Variants in PLA2G7 observed in about 807,000 individuals in gnomAD.
PLA2G7 encodes platelet-activating factor acetylhydrolase.
In PLA2G7, 63 loss-of-function variants were observed where a neutral mutation model predicts 49.6. The observed-to-expected ratio is 1.27, with a 90% CI of 1.04 to 1.57. PLA2G7 has a LOEUF of 1.57. PLA2G7 is among the 40% of genes most tolerant of loss of function. The probability of loss-of-function intolerance (pLI) is 0.00; values close to 1 mark genes in which losing one functional copy is unlikely to be tolerated. For synonymous variants in PLA2G7, 193 were observed against 169.9 expected (o/e 1.14, Z -1.06); for missense variants, 596 against 521.2 (o/e 1.14, Z -1.40).
rs139582252 is a variant in PLA2G7 at position 46,714,434 on chromosome 6, A to G, written c.470+26T>C. Reference sequence around the variant, plus strand: ...AATTGTCATTTATTCCTGGAAGCCAAAATTGTTCAACCTCTCAAACATTAC... The same window carrying G: ...AATTGTCATTTATTCCTGGAAGCCAGAATTGTTCAACCTCTCAAACATTAC... On this transcript the variant is annotated intron_variant, in intron 5 of 11. Coordinates refer to ENST00000274793, the MANE Select transcript of PLA2G7 (RefSeq NM_005084.4). The G allele has an allele frequency of 4.9e-4, 712 of 1,449,138 alleles. 4 individuals carry two copies. In the African/African-American group the frequency reaches 8.6e-3, roughly 18 times the overall value. 89.8% of individuals were successfully genotyped at this position (1,449,138 alleles called of 1,614,324 possible).
intron 1 of PLA2G7, among the ~76,000 whole-genome samples, chr6:46,725,803 G>A (rs899952972): frequency 2.0e-5 from 3 of 152,064 alleles, no homozygotes; most frequent in Non-Finnish European, 4.4e-5. Context: ...TTCTAGGCTC[G>A]AATACATGCA....
Position 46,728,388 on chromosome 6 carries a change from C to G in PLA2G7, c.-34-5463G>C, listed in dbSNP as rs568620087. On this transcript the variant is annotated intron_variant, in intron 1 of 11. Transcript: ENST00000274793. Reference sequence around the variant, plus strand: ...TCCTGTAGTGCACAGGACAGCCCTACAACATAGAGGAATCTCAAAATGTCA... The same window carrying G: ...TCCTGTAGTGCACAGGACAGCCCTAGAACATAGAGGAATCTCAAAATGTCA... 2.6e-5 allele frequency among the ~76,000 whole-genome samples: 4 copies of G among 152,270 alleles called. No individual in the cohort carries two copies. The South Asian group carries it at 8.3e-4, about 32-fold the overall frequency.
chr6:46,725,983 T>C (rs1410488174), intron 1 of PLA2G7, among the ~76,000 whole-genome samples: 2 of 152,206 alleles, frequency 1.3e-5, no homozygotes, highest in Non-Finnish European at 2.9e-5. Flanking sequence ...ATGCATAGGT[T>C]CAACAAAGTA....
intron 1 of PLA2G7, among the ~76,000 whole-genome samples, chr6:46,725,455 C>T (rs1220525006): frequency 1.3e-5 from 2 of 152,048 alleles, no homozygotes; most frequent in Non-Finnish European, 2.9e-5. Flanking sequence ...TGGTCTTGAT[C>T]TCCTGACCTC....
At chr6:46,719,545 A>G (rs538612395) in intron 2 of PLA2G7, among the ~76,000 whole-genome samples, 1 of 152,344 alleles carries the variant, frequency 6.6e-6, no homozygotes, top group South Asian at 2.1e-4. Context: ...GGTAGGAGGT[A>G]GTTTCAAGAA....
chr6:46,719,837 G>A (rs1765336920), intron 2 of PLA2G7, among the ~76,000 whole-genome samples: 1 of 152,228 alleles, frequency 6.6e-6, no homozygotes, highest in Admixed American at 6.5e-5. Flanking sequence ...ATTTACTCTT[G>A]CTAGGTAAAT....
Position 46,734,846 on chromosome 6 carries a change from GAA to G in PLA2G7, c.-35+332_-35+333del, listed in dbSNP as rs1765867280. 2.6e-5 allele frequency among the ~76,000 whole-genome samples: 4 copies of G among 151,704 alleles called. No homozygotes were observed. The East Asian group carries it at 5.8e-4, about 22-fold the overall frequency. ...CAAAAGAAAGAAAGAAGGAACGAAAGAAAGAGAGAGAGAGAGAAAAAAAAGAA... is the reference window on the plus strand; with the variant it reads ...CAAAAGAAAGAAAGAAGGAACGAAAGAGAGAGAGAGAGAGAAAAAAAAGAA... On this transcript the variant is annotated intron_variant, in intron 1 of 11. Transcript: ENST00000274793.
chr6:46,707,296 A>T (rs182177664), intron 10 of PLA2G7, among the ~76,000 whole-genome samples: 34 of 152,242 alleles, frequency 2.2e-4, no homozygotes, highest in African/African-American at 6.0e-4. Context: ...TACCCCCAAA[A>T]ATCTGTAGGC....
rs200052639 is a variant in PLA2G7 at position 46,716,438 on chromosome 6, T to A, written c.322A>T (p.Ser108Cys). The A allele has an allele frequency of 1.1e-4, 178 of 1,613,972 alleles. 1 individual carries two copies. The East Asian group carries it at 3.9e-3, about 36-fold the overall frequency. ...IPNKEYFWGL[S>C]KFLGTHWLMG... ...AGCCAGTGTGTTCCAAGAAATTTGC[T>A]AAGACCCCAAAAATATTCTTTATTT... Residue 108 changes from serine to cysteine, a missense_variant, in exon 4 of 12, where the codon AGC becomes TGC. Ser to Cys is a moderately radical substitution (Grantham distance 112). Coordinates refer to ENST00000274793, the MANE Select transcript of PLA2G7 (RefSeq NM_005084.4).
At chr6:46,712,988 T>G (rs1225666399) in intron 5 of PLA2G7, among the ~76,000 whole-genome samples, 1 of 152,226 alleles carries the variant, frequency 6.6e-6, no homozygotes, top group Non-Finnish European at 1.5e-5. Context: ...GTTCCTTATC[T>G]ATAAAATGGT....
At chr6:46,709,057 T>C (rs1270395571) in intron 9 of PLA2G7, among the ~76,000 whole-genome samples, 1 of 152,122 alleles carries the variant, frequency 6.6e-6, no homozygotes, top group Non-Finnish European at 1.5e-5. Context: ...TATATAAAGA[T>C]AAATTTTTCA....
chr6:46,708,000 A>G lies in PLA2G7; in HGVS notation c.1031T>C (p.Ile344Thr), dbSNP rs769766974. Residue 344 changes from isoleucine (I) to threonine (T), a missense_variant, in exon 10 of 12, where the codon ATT becomes ACT. Ile to Thr is a moderately conservative substitution (Grantham distance 89). Coordinates refer to ENST00000274793, the MANE Select transcript of PLA2G7 (RefSeq NM_005084.4). Reference protein sequence around the residue: ...CYSPDKERKMITIRGSVHQNF... With the variant: ...CYSPDKERKMTTIRGSVHQNF... ...AGTCACTAATACTTACCTGATTGTA[A>G]TCATCTTTCTTTCTTTATCAGGTGA... The G allele has an allele frequency of 1.3e-6, 2 of 1,564,332 alleles. No individual in the cohort carries two copies. Among genetic ancestry groups the G allele is most frequent in the Admixed American group, 1.7e-5 (1 of 59,702 alleles).
intron 3 of PLA2G7, 38 bp from the exon 4 acceptor site, chr6:46,716,566 G>T (rs201604552): frequency 2.5e-6 from 4 of 1,603,940 alleles, no homozygotes; most frequent in Non-Finnish European, 2.6e-6. Context: ...TAGAGAAGTT[G>T]TGTCTCAAAC....
chr6:46,734,848 A>AAGAG (rs368328200), intron 1 of PLA2G7, among the ~76,000 whole-genome samples: 2 of 145,118 alleles, frequency 1.4e-5, no homozygotes, highest in Non-Finnish European at 3.1e-5. Context: ...GAACGAAAGA[A>AAGAG]AGAGAGAGAG....
intron 9 of PLA2G7, 74 bp from the exon 10 acceptor site, chr6:46,708,235 G>A: frequency 8.8e-7 from 1 of 1,131,574 alleles, no homozygotes; most frequent in South Asian, 1.2e-5. Flanking sequence ...TCCTAATAAT[G>A]CTAGGATTGG....
chr6:46,711,406 A>G lies in PLA2G7; in HGVS notation c.663+90T>C. On this transcript the variant is annotated intron_variant, in intron 7 of 11. Coordinates refer to ENST00000274793, the MANE Select transcript of PLA2G7 (RefSeq NM_005084.4). ...GGGAAATAGGAGAGCTAGGAGCATA[A>G]CTTGCCAGGTGTAAAATTAAATTAA... The G allele has an allele frequency of 5.0e-6, 7 of 1,406,622 alleles. No homozygotes were observed. In the South Asian group the frequency reaches 8.1e-5, roughly 16 times the overall value. The allele number at this position is 1,406,622 out of a possible 1,614,324, so 87.1% of individuals were successfully genotyped here. A position where few individuals can be genotyped will look rare whatever the true frequency, so the allele number is the denominator to read the frequency against.
At chr6:46,721,695 G>A (rs1260702944) in intron 2 of PLA2G7, among the ~76,000 whole-genome samples, 1 of 151,082 alleles carries the variant, frequency 6.6e-6, no homozygotes, top group African/African-American at 2.4e-5. Context: ...TATCCTTGAT[G>A]ACTTAACTTC....
chr6:46,734,480 GAGAGAGA>G (rs1765849069), intron 1 of PLA2G7, among the ~76,000 whole-genome samples: 1 of 120,286 alleles, frequency 8.3e-6, no homozygotes, highest in South Asian at 2.8e-4. Context: ...GAGAGAGAGA[GAGAGAGA>G]GAGACGGAGA....
intron 4 of PLA2G7, among the ~76,000 whole-genome samples, chr6:46,714,918 A>T (rs1765155487): frequency 6.6e-6 from 1 of 151,746 alleles, no homozygotes; most frequent in Non-Finnish European, 1.5e-5. Context: ...TATTTTTAGT[A>T]GAGATGGGGT....
Sources: gnomAD v4.1 joint callset for allele counts (sites outside exome capture counted in the v4.1 genomes callset) on GRCh38, gnomAD v4.1.1 for gene constraint, MANE v1.5 for transcripts, NCBI Gene and HGNC (gene_info 2026-07-23, HGNC 2026-07-21) for gene names.